The following REV3L variants were observed in gnomAD, a reference collection of about 807,000 sequenced individuals.
REV3L encodes DNA polymerase zeta catalytic subunit.
A neutral mutation model predicts 299.4 loss-of-function variants in REV3L; 69 were observed. The ratio of observed to expected loss-of-function variants is 0.23; its 90% confidence interval spans 0.19 to 0.28. REV3L has a LOEUF of 0.28. REV3L is among the 10% of genes least tolerant of loss of function. The pLI is 1.00. For missense variants in REV3L, 3,128 were observed against 3,693.8 expected (o/e 0.85, Z 3.97); for synonymous variants, 1,238 against 1,271.4 (o/e 0.97, Z 0.56).
chr6:111,360,197 G>A (rs754800463), intron 16 of REV3L, among the ~76,000 whole-genome samples: 4 of 152,098 alleles, frequency 2.6e-5, no homozygotes, highest in Non-Finnish European at 5.9e-5. Context: ...AGGCAGATCT[G>A]TATGTCCTAA....
chr6:111,332,049 A>G (rs1032902830), intron 23 of REV3L, among the ~76,000 whole-genome samples: 5 of 152,258 alleles, frequency 3.3e-5, no homozygotes, highest in African/African-American at 1.2e-4. Context: ...ATTTCAACTC[A>G]ACATCTGATC....
chr6:111,423,493 T>C (rs909036160), intron 1 of REV3L, among the ~76,000 whole-genome samples: 13 of 149,972 alleles, frequency 8.7e-5, no homozygotes, highest in African/African-American at 3.2e-4. Context: ...AGAAAAAGAG[T>C]ATGAGAAGGA....
chr6:111,368,085 T>G, intron 13 of REV3L, 57 bp from the exon 14 acceptor site: 1 of 1,407,202 alleles, frequency 7.1e-7, no homozygotes, highest in African/African-American at 1.4e-5. Flanking sequence ...TACCAAAATA[T>G]TTAACTCCAT....
intron 3 of REV3L, among the ~76,000 whole-genome samples, chr6:111,410,918 G>A (rs1324400607): frequency 6.6e-6 from 1 of 152,168 alleles, no homozygotes; most frequent in Non-Finnish European, 1.5e-5. Context: ...TTTTGAATCT[G>A]AAAGGATGAT....
chr6:111,431,721 G>A, intron 1 of REV3L: 1 of 940,584 alleles, frequency 1.1e-6, no homozygotes, highest in Non-Finnish European at 1.7e-6. Flanking sequence ...CTGTGGATTT[G>A]ACAGAAGATA....
chr6:111,333,529 C>T (rs927579326), intron 22 of REV3L, among the ~76,000 whole-genome samples, 162 bp from the exon 23 acceptor site: 1 of 151,130 alleles, frequency 6.6e-6, no homozygotes, highest in Non-Finnish European at 1.5e-5. Context: ...AGCTGGAGTA[C>T]GATGGCACGA....
intron 1 of REV3L, among the ~76,000 whole-genome samples, chr6:111,467,758 A>G (rs555267751): frequency 2.6e-5 from 4 of 152,328 alleles, no homozygotes; most frequent in Non-Finnish European, 5.9e-5. Context: ...CATTTTATAT[A>G]AGTGATTTGA....
At chr6:111,378,868 A>G (rs1001742274) in intron 11 of REV3L, among the ~76,000 whole-genome samples, 1 of 152,214 alleles carries the variant, frequency 6.6e-6, no homozygotes, top group Non-Finnish European at 1.5e-5. Flanking sequence ...AAAAGTGACA[A>G]TGCTCACAGA....
chr6:111,304,939 G>GTTC (rs1040898218), intron 31 of REV3L, among the ~76,000 whole-genome samples: 1 of 145,846 alleles, frequency 6.9e-6, no homozygotes, highest in African/African-American at 2.5e-5. Context: ...TTTGTTCTTT[G>GTTC]TTCTTTTTTT....
intron 1 of REV3L, among the ~76,000 whole-genome samples, chr6:111,420,285 T>G (rs2128288050): frequency 2.0e-5 from 3 of 152,344 alleles, no homozygotes; most frequent in Admixed American, 2.0e-4. Context: ...GTATACAACA[T>G]GAAACTTTGA....
chr6:111,300,149 T>C lies in REV3L; in HGVS notation c.9260A>G (p.Lys3087Arg). Residue 3087 changes from lysine to arginine, a missense_variant, in exon 32 of 32, where the codon AAG becomes AGG. By Grantham distance (26) the Lys-to-Arg change is conservative (BLOSUM62 2). Transcript: ENST00000368802. Reference protein sequence around the residue: ...RQQEQLVKICKNCTGCFDRHI... With the variant: ...RQQEQLVKICRNCTGCFDRHI... ...TCGATCAAAGCAACCTGTACAGTTC[T>C]TGCATATCTGAAAGCATAAGAGAAA... 1 of 1,581,676 alleles carries C rather than the reference T, an allele frequency of 6.3e-7. No individual in the cohort carries two copies. Among genetic ancestry groups the C allele is most frequent in the African/African-American group, 1.4e-5 (1 of 73,312 alleles).
At chr6:111,341,007 G>T (rs558865374) in intron 21 of REV3L, among the ~76,000 whole-genome samples, 1 of 145,240 alleles carries the variant, frequency 6.9e-6, no homozygotes, top group Admixed American at 6.9e-5. Flanking sequence ...TAAATATCAA[G>T]TTTTATTTAT....
chr6:111,351,868 T>C (rs1777598631), intron 18 of REV3L, 77 bp from the exon 19 acceptor site: 12 of 983,482 alleles, frequency 1.2e-5, no homozygotes, highest in Non-Finnish European at 1.8e-5. Context: ...TTCTTCATGA[T>C]ATAAGGTATG....
Position 111,482,935 on chromosome 6 carries a change from GGCA to G in REV3L, c.-50_-48del. ...CTCCCTTCACTGGCGACCCGGCAGC[GGCA>G]GCAGCAGCGGCGGCGGCTCCCTCCG... On this transcript the variant is annotated 5_prime_UTR_variant, in exon 1 of 32. Coordinates refer to ENST00000368802, the MANE Select transcript of REV3L (RefSeq NM_001372078.1). 6.8e-7 allele frequency: 1 copy of G among 1,479,488 alleles called. No homozygotes were observed. Among genetic ancestry groups the G allele is most frequent in the Non-Finnish European group, 8.9e-7 (1 of 1,124,956 alleles). The allele number at this position is 1,479,488 out of a possible 1,614,324, so 91.6% of individuals were successfully genotyped here. A position where few individuals can be genotyped will look rare whatever the true frequency, so the allele number is the denominator to read the frequency against.
chr6:111,457,273 G>A lies in REV3L; in HGVS notation c.139+25477C>T, dbSNP rs142138394. ...ATTAAATATATAACAGTATAATAAC[G>A]AGCATAATTCCGAAGACAATCAAAT... On this transcript the variant is annotated intron_variant, in intron 1 of 31. Transcript: ENST00000368802. 1.4e-3 allele frequency among the ~76,000 whole-genome samples: 212 copies of A among 151,910 alleles called. 2 individuals are homozygous for A. In the East Asian group the frequency reaches 0.024, roughly 17 times the overall value.
At chr6:111,315,566 C>G in intron 26 of REV3L, 185 bp from the exon 27 acceptor site, 1 of 573,196 alleles carries the variant, frequency 1.7e-6, no homozygotes, top group South Asian at 2.2e-5. Context: ...GTACTTATAT[C>G]TTGTTACAAA....
chr6:111,378,441 A>T, intron 11 of REV3L, among the ~76,000 whole-genome samples: 1 of 152,242 alleles, frequency 6.6e-6, no homozygotes, highest in East Asian at 1.9e-4. Context: ...ATTTTATTAT[A>T]CTTATTATAC....
In REV3L at chr6:111,482,969, G is replaced by GCGGCGGCGCCCCCTCCCCTTCT. The variant is rs1174174661; in HGVS notation, c.-103_-82dup. On this transcript the variant is annotated 5_prime_UTR_variant, in exon 1 of 32. Transcript: ENST00000368802. ...AGCGGCGGCGGCTCCCTCCGCAGCG[G>GCGGCGGCGCCCCCTCCCCTTCT]CGGCGGCGCCCCCTCCCCTTCTCGG... The GCGGCGGCGCCCCCTCCCCTTCT allele has an allele frequency of 2.8e-5, 39 of 1,412,038 alleles. No homozygotes were observed. Among genetic ancestry groups the GCGGCGGCGCCCCCTCCCCTTCT allele is most frequent in the Non-Finnish European group, 3.4e-5 (37 of 1,085,688 alleles). 87.5% of individuals were successfully genotyped at this position (1,412,038 alleles called of 1,614,324 possible).
Position 111,367,395 on chromosome 6 carries a change from T to C in REV3L, c.6393A>G (p.Pro2131=). ...DSPVIPPWQQ[P]ISPDSKALNG... is the part of the protein sequence containing the mutation. ...TTAATGCTTTGGAATCTGGGGATAT[T>C]GGTTGTTGCCAAGGGGGAATTACTG... Residue 2131 remains proline, a synonymous_variant, in exon 14 of 32, where the codon CCA becomes CCG. Transcript: ENST00000368802. The C allele has an allele frequency of 6.2e-7, 1 of 1,610,954 alleles. No individual in the cohort carries two copies. Among genetic ancestry groups the C allele is most frequent in the Non-Finnish European group, 8.5e-7 (1 of 1,178,742 alleles).
Sources: gnomAD v4.1 joint callset for allele counts (sites outside exome capture counted in the v4.1 genomes callset) on GRCh38, gnomAD v4.1.1 for gene constraint, MANE v1.5 for transcripts, NCBI Gene and HGNC (gene_info 2026-07-23, HGNC 2026-07-21) for gene names.